Variants in NR3C1 observed in about 807,000 individuals in gnomAD.
NR3C1 encodes nuclear receptor subfamily 3 group C member 1, also known as glucocorticoid receptor.
In NR3C1, 14 loss-of-function variants were observed where a neutral mutation model predicts 74.0. The observed-to-expected ratio is 0.19, with a 90% CI of 0.12 to 0.30. The LOEUF (loss-of-function observed/expected upper bound fraction) is 0.30. Ranked by LOEUF, NR3C1 falls within the 10% of genes least tolerant of loss-of-function variation. NR3C1 has a pLI of 1.00. For missense variants in NR3C1, 695 were observed against 909.8 expected (o/e 0.76, Z 3.04); for synonymous variants, 308 against 332.5 (o/e 0.93, Z 0.80).
chr5:143,392,524 T>C lies in NR3C1; in HGVS notation c.1184+7132A>G, dbSNP rs73797554. ...ATAAGTGTTAAGGTTTCCTGGTTTT[T>C]TTTTTCTTTTTCTCTTTAAATGCCT... On this transcript the variant is annotated intron_variant, in intron 2 of 8. Coordinates refer to ENST00000394464, the MANE Select transcript of NR3C1 (RefSeq NM_000176.3). Among the ~76,000 whole-genome samples, 688 of 152,162 alleles carry C rather than the reference T, an allele frequency of 4.5e-3. 10 individuals are homozygous for C. Among genetic ancestry groups the C allele is most frequent in the African/African-American group, 0.015 (613 of 41,584 alleles).
intron 1 of NR3C1, chr5:143,409,038 A>G (rs1841208032): frequency 6.6e-6 from 1 of 152,234 alleles, no homozygotes; most frequent in African/African-American, 2.4e-5. Context: ...GTAATAAGCA[A>G]CAAATGGCAT....
intron 1 of NR3C1, among the ~76,000 whole-genome samples, chr5:143,434,072 TCTTTA>T (rs1300049163): frequency 6.6e-6 from 1 of 152,368 alleles, no homozygotes; most frequent in African/African-American, 2.4e-5. Context: ...ATAACTGGCC[TCTTTA>T]CTTTATTCAG....
At chr5:143,294,363 T>C in intron 7 of NR3C1, 1 of 887,428 alleles carries the variant, frequency 1.1e-6, no homozygotes. Context: ...TGAAATGGCC[T>C]AAGGTTTATA....
chr5:143,356,562 C>G (rs1177245205), intron 2 of NR3C1, among the ~76,000 whole-genome samples: 1 of 152,082 alleles, frequency 6.6e-6, no homozygotes, highest in Non-Finnish European at 1.5e-5. Context: ...CTTTCCTCCA[C>G]TGCCCTGTTT....
At chr5:143,329,055 T>C (rs1428502240) in intron 2 of NR3C1, among the ~76,000 whole-genome samples, 1 of 152,186 alleles carries the variant, frequency 6.6e-6, no homozygotes, top group African/African-American at 2.4e-5. Flanking sequence ...ATTCTCTGTA[T>C]TAGTCAGTTT....
At chr5:143,290,573 ATTTAT>A (rs1815655575) in intron 7 of NR3C1, among the ~76,000 whole-genome samples, 2 of 152,024 alleles carry the variant, frequency 1.3e-5, no homozygotes, top group Admixed American at 6.6e-5. Context: ...CCATCTCTAC[ATTTAT>A]TTTATTTTTG....
At chr5:143,330,306 G>A (rs1825703394) in intron 2 of NR3C1, among the ~76,000 whole-genome samples, 2 of 152,128 alleles carry the variant, frequency 1.3e-5, no homozygotes, top group African/African-American at 4.8e-5. Flanking sequence ...TTTTGAGAAA[G>A]AATAAATGGT....
At chr5:143,340,342 C>A (rs1348822961) in intron 2 of NR3C1, among the ~76,000 whole-genome samples, 1 of 147,682 alleles carries the variant, frequency 6.8e-6, no homozygotes, top group Non-Finnish European at 1.5e-5. Flanking sequence ...ATCATAATCC[C>A]AGCAGGCTTT....
intron 7 of NR3C1, chr5:143,295,205 T>C: frequency 2.0e-6 from 2 of 985,400 alleles, no homozygotes; most frequent in Non-Finnish European, 2.4e-6. Context: ...GAAAAAAGTC[T>C]ACACAGATTC....
chr5:143,334,901 A>G (rs978498308), intron 2 of NR3C1, among the ~76,000 whole-genome samples: 2 of 152,216 alleles, frequency 1.3e-5, no homozygotes, highest in African/African-American at 4.8e-5. Context: ...TCCACTTGAA[A>G]GTTTAATTTT....
chr5:143,399,579 T>A, intron 2 of NR3C1, 77 bp downstream of exon 2: 2 of 1,130,688 alleles, frequency 1.8e-6, no homozygotes, highest in East Asian at 4.7e-5. Flanking sequence ...AGAACACATA[T>A]AAATCAATGA....
chr5:143,319,658 AGT>A (rs1401196350), intron 2 of NR3C1, among the ~76,000 whole-genome samples: 1 of 152,172 alleles, frequency 6.6e-6, no homozygotes, highest in East Asian at 1.9e-4. Context: ...TTGGCATCTA[AGT>A]GAGAAGAGGC....
At position 143,403,289 on chromosome 5, in the gene NR3C1, C is replaced by A; in HGVS notation, c.-92G>T. ...AGATAAACAACTTAGCTTGTGAACG[C>A]AGAAGGAGCAGGAGGGAAATATATT... On this transcript the variant is annotated 5_prime_UTR_variant, in exon 1 of 9. Transcript: ENST00000394464. 2.0e-6 allele frequency: 2 copies of A among 985,522 alleles called. No homozygotes were observed. Among genetic ancestry groups the A allele is most frequent in the Non-Finnish European group, 2.4e-6 (2 of 830,044 alleles). 61.0% of individuals were successfully genotyped at this position (985,522 alleles called of 1,614,324 possible). A position where few individuals can be genotyped will look rare whatever the true frequency, so the allele number is the denominator to read the frequency against.
rs1599768777 is a variant in NR3C1 at position 143,300,468 on chromosome 5, T to C, written c.1747+17A>G. On this transcript the variant is annotated intron_variant, in intron 5 of 8. Coordinates refer to ENST00000394464, the MANE Select transcript of NR3C1 (RefSeq NM_000176.3). This position sits in a 1 kb window ranked among gnomAD's most constrained non-coding sequence, Gnocchi z 5.2. ...ACAAAGGTTTATATAGTTGCTCTTTTATGTTTTGCATCTTACCTGGTATTG... is the reference window on the plus strand; with the variant it reads ...ACAAAGGTTTATATAGTTGCTCTTTCATGTTTTGCATCTTACCTGGTATTG... The C allele has an allele frequency of 6.2e-7, 1 of 1,614,166 alleles. No individual in the cohort carries two copies. The highest frequency in any genetic ancestry group is 8.5e-7 in the Non-Finnish European group (1 of 1,179,978).
At chr5:143,352,500 T>A (rs999304784) in intron 2 of NR3C1, among the ~76,000 whole-genome samples, 3 of 152,178 alleles carry the variant, frequency 2.0e-5, no homozygotes, top group Non-Finnish European at 4.4e-5. Context: ...CTCAACATAT[T>A]CTACGTTTTT....
chr5:143,309,637 T>C (rs1214826372), intron 4 of NR3C1, among the ~76,000 whole-genome samples: 4 of 151,952 alleles, frequency 2.6e-5, no homozygotes, highest in Non-Finnish European at 4.4e-5. Flanking sequence ...AGGTTTTTTT[T>C]TTCCCACCAC....
At chr5:143,426,878 C>T (rs1305564639) in intron 1 of NR3C1, among the ~76,000 whole-genome samples, 12 of 152,190 alleles carry the variant, frequency 7.9e-5, no homozygotes, top group Admixed American at 7.9e-4. Flanking sequence ...GTGAAGAGGG[C>T]ACCAACAGTA....
chr5:143,316,259 G>T (rs1433711358), intron 2 of NR3C1, among the ~76,000 whole-genome samples: 1 of 152,072 alleles, frequency 6.6e-6, no homozygotes, highest in Non-Finnish European at 1.5e-5. Flanking sequence ...AACTCCTCTG[G>T]CTTCTATTCT....
chr5:143,406,736 TAA>T (rs1652876100), upstream of NR3C1, among the ~76,000 whole-genome samples: 1 of 152,214 alleles, frequency 6.6e-6, no homozygotes, highest in Non-Finnish European at 1.5e-5. Flanking sequence ...TCCTATGCAT[TAA>T]GAGAGGAATT....
Sources: gnomAD v4.1 joint callset for allele counts (sites outside exome capture counted in the v4.1 genomes callset) on GRCh38, gnomAD v4.1.1 for gene constraint, Gnocchi (gnomAD v3.1) non-coding constraint, MANE v1.5 for transcripts, NCBI Gene and HGNC (gene_info 2026-07-23, HGNC 2026-07-21) for gene names.